ZNF248: variants seen among roughly 807,000 people sequenced by gnomAD.
ZNF248 encodes zinc finger protein 248, also known as KRAB protein domain.
In ZNF248, 20 loss-of-function variants were observed where a neutral mutation model predicts 44.3. The ratio of observed to expected loss-of-function variants is 0.45; its 90% CI spans 0.32 to 0.66. The LOEUF (loss-of-function observed/expected upper bound fraction) is 0.66. Ranked by LOEUF, ZNF248 falls within the 30% of genes least tolerant of loss-of-function variation. The probability of loss-of-function intolerance (pLI) is 0.04; values close to 1 mark genes in which losing one functional copy is unlikely to be tolerated. For synonymous variants in ZNF248, 224 were observed against 229.0 expected, an observed-to-expected ratio of 0.98 and a Z score of 0.20; for missense variants, 654 against 677.0, an observed-to-expected ratio of 0.97 and a Z score of 0.38.
At chr10:37,809,426 C>T (rs547444240) in intron 6 of ZNF248, among the ~76,000 whole-genome samples, 3 of 152,152 alleles carry the variant, frequency 2.0e-5, no homozygotes, top group South Asian at 4.2e-4. Context: ...TACAGGCACC[C>T]GCCACCATGC....
At chr10:37,769,204 C>T in the ZNF248 span, among the ~76,000 whole-genome samples, 1 of 152,176 alleles carries the variant, frequency 6.6e-6, no homozygotes, top group East Asian at 1.9e-4. Flanking sequence ...CGAGGAGGAC[C>T]TGGTACCATT....
intron 3 of ZNF248, among the ~76,000 whole-genome samples, chr10:37,846,185 C>G (rs1009374087): frequency 6.6e-6 from 1 of 152,180 alleles, no homozygotes; most frequent in African/African-American, 2.4e-5. Flanking sequence ...CTGCAAATCC[C>G]AATGTCAGTT....
chr10:37,812,034 G>A (rs1016311254), intron 6 of ZNF248, among the ~76,000 whole-genome samples: 9 of 150,712 alleles, frequency 6.0e-5, no homozygotes, highest in Non-Finnish European at 7.4e-5. Context: ...CCAGGAGTTC[G>A]AGACCAGCCT....
chr10:37,851,866 T>A (rs922903401), intron 3 of ZNF248, among the ~76,000 whole-genome samples: 2 of 141,586 alleles, frequency 1.4e-5, no homozygotes, highest in Non-Finnish European at 3.0e-5. Context: ...AGCGGAAATA[T>A]AAAATGGCAT....
the ZNF248 span, among the ~76,000 whole-genome samples, chr10:37,765,369 C>T: frequency 6.6e-6 from 1 of 152,100 alleles, no homozygotes; most frequent in African/African-American, 2.4e-5. Context: ...TGATGACTCA[C>T]CCTACAAGGA....
At chr10:37,837,509 G>A in intron 5 of ZNF248, 108 bp downstream of exon 5, 2 of 861,208 alleles carry the variant, frequency 2.3e-6, no homozygotes, top group South Asian at 1.7e-5. Flanking sequence ...AAGGTCTGGG[G>A]CTAAAAAGAG....
At position 37,829,826 on chromosome 10, in the gene ZNF248, A is replaced by C. The variant is rs2055140099; in HGVS notation, c.*1789T>G. The C allele has an allele frequency of 2.0e-6, 2 of 985,312 alleles. No homozygotes were observed. Among genetic ancestry groups the C allele is most frequent in the Admixed American group, 1.2e-4 (2 of 16,262 alleles). 61.0% of individuals were successfully genotyped at this position (985,312 alleles called of 1,614,324 possible). A position where few individuals can be genotyped will look rare whatever the true frequency, so the allele number is the denominator to read the frequency against. On this transcript the variant is annotated 3_prime_UTR_variant, in exon 6 of 6. Coordinates refer to ENST00000395867, the MANE Select transcript of ZNF248 (RefSeq NM_021045.3). ...CTACACAATACTTCCCAAACATCTCATTGCTCCCAAGTTCACCCCAACAGA... is the reference window on the plus strand; with the variant it reads ...CTACACAATACTTCCCAAACATCTCCTTGCTCCCAAGTTCACCCCAACAGA...
At position 37,830,488 on chromosome 10, in the gene ZNF248, G is replaced by A; in HGVS notation, c.*1127C>T. Reference sequence around the variant, plus strand: ...TTCAGAGGTAGTTAAAAACCTCACGGAAATATTTTTGGCTTCTTTCTTGAA... The same window carrying A: ...TTCAGAGGTAGTTAAAAACCTCACGAAAATATTTTTGGCTTCTTTCTTGAA... On this transcript the variant is annotated 3_prime_UTR_variant, in exon 6 of 6. Transcript: ENST00000395867. 1 of 985,380 alleles carries A rather than the reference G, an allele frequency of 1.0e-6. No individual in the cohort carries two copies. The highest frequency in any genetic ancestry group is 1.2e-6 in the Non-Finnish European group (1 of 829,918). 61.0% of individuals were successfully genotyped at this position (985,380 alleles called of 1,614,324 possible).
At chr10:37,776,279 T>C (rs1250864879), downstream of ZNF248, 6 of 295,306 alleles carry the variant, frequency 2.0e-5, no homozygotes, top group Non-Finnish European at 3.7e-5. Context: ...TTTCCACCAC[T>C]CAGTCCAGTC....
chr10:37,820,467 G>A (rs1266459743), intron 6 of ZNF248: 5 of 1,592,662 alleles, frequency 3.1e-6, no homozygotes, highest in Admixed American at 3.3e-5. Context: ...CCACAGAGGG[G>A]CTGTTCTACT....
chr10:37,771,386 C>T, the ZNF248 span, among the ~76,000 whole-genome samples: 21 of 152,106 alleles, frequency 1.4e-4, no homozygotes, highest in Admixed American at 5.9e-4. Context: ...TGTCCAACAA[C>T]GATAGACTGG....
At chr10:37,782,509 A>G (rs2047428343) in intron 6 of ZNF248, among the ~76,000 whole-genome samples, 1 of 152,150 alleles carries the variant, frequency 6.6e-6, no homozygotes, top group African/African-American at 2.4e-5. Context: ...GTCCTCCCAG[A>G]AAGACATGTT....
At chr10:37,775,178 T>C (rs763977320), downstream of ZNF248, among the ~76,000 whole-genome samples, 1 of 152,188 alleles carries the variant, frequency 6.6e-6, no homozygotes, top group Non-Finnish European at 1.5e-5. Context: ...CAATGTATAA[T>C]ATATACACAC....
chr10:37,813,825 A>T (rs2051967369), intron 6 of ZNF248, among the ~76,000 whole-genome samples: 1 of 152,170 alleles, frequency 6.6e-6, no homozygotes, highest in Non-Finnish European at 1.5e-5. Context: ...TTCAAGGATC[A>T]ACTGCACTCA....
chr10:37,850,587 G>C (rs1589954344), intron 3 of ZNF248, among the ~76,000 whole-genome samples: 1 of 152,208 alleles, frequency 6.6e-6, no homozygotes, highest in East Asian at 1.9e-4. Context: ...TATTAGCAGA[G>C]GCACAGACAC....
At chr10:37,766,225 T>G in the ZNF248 span, among the ~76,000 whole-genome samples, 1 of 152,238 alleles carries the variant, frequency 6.6e-6, no homozygotes, top group Non-Finnish European at 1.5e-5. Context: ...CTCTGCAGAC[T>G]TAAATGTCCC....
intron 6 of ZNF248, among the ~76,000 whole-genome samples, chr10:37,796,561 C>G (rs1444085018): frequency 1.3e-5 from 2 of 152,090 alleles, no homozygotes; most frequent in Admixed American, 1.3e-4. Flanking sequence ...AAATGATGAT[C>G]TATCGTTGTG....
downstream of ZNF248, among the ~76,000 whole-genome samples, chr10:37,773,016 G>A (rs1030928837): frequency 2.0e-4 from 31 of 152,212 alleles, no homozygotes; most frequent in African/African-American, 7.2e-4. Flanking sequence ...GGAGGCCGAG[G>A]CCTGTGGATC....
At chr10:37,855,464 G>A (rs1344722179) in intron 3 of ZNF248, among the ~76,000 whole-genome samples, 1 of 152,052 alleles carries the variant, frequency 6.6e-6, no homozygotes, top group Admixed American at 6.6e-5. Context: ...AAACCAGTCA[G>A]GAAAAACAGA....
Sources: allele counts gnomAD v4.1 joint callset (sites outside exome capture counted in the v4.1 genomes callset), GRCh38; gene constraint gnomAD v4.1.1; transcripts MANE v1.5; gene names NCBI Gene and HGNC (gene_info 2026-07-23, HGNC 2026-07-21).